The following FHIT variants were observed in gnomAD, a reference collection of about 807,000 sequenced individuals.
FHIT encodes the protein fragile histidine triad diadenosine triphosphatase, also known as bis(5'-adenosyl)-triphosphatase.
FHIT carries 19 observed loss-of-function variants against 17.9 expected under a neutral mutation model. The ratio of observed to expected loss-of-function variants is 1.06; its 90% CI spans 0.74 to 1.56. The LOEUF is 1.56. Among genes scored for constraint, FHIT ranks in the 40% most tolerant of loss-of-function variants. The probability of loss-of-function intolerance (pLI) is 0.00; values close to 1 mark genes in which losing one functional copy is unlikely to be tolerated. For missense variants in FHIT, 248 were observed against 189.2 expected, an observed-to-expected ratio of 1.31 and a Z score of -1.82; for synonymous variants, 81 against 69.7, an observed-to-expected ratio of 1.16 and a Z score of -0.81.
Position 60,226,472 on chromosome 3 carries a change from C to CAAAAAA in FHIT, c.104-212326_104-212321dup, listed in dbSNP as rs1189100387. ...GGGCAACAAGAGTGAAACTCCGTCT[C>CAAAAAA]AAAAAAAAAAAAAAAAAAAAAACAC... On this transcript the variant is annotated intron_variant, in intron 5 of 9. Coordinates refer to ENST00000492590, the MANE Select transcript of FHIT (RefSeq NM_002012.4). 1.3e-3 allele frequency among the ~76,000 whole-genome samples: 94 copies of CAAAAAA among 70,126 alleles called. 8 individuals carry two copies. Among genetic ancestry groups the CAAAAAA allele is most frequent in the Non-Finnish European group, 1.6e-3 (60 of 37,456 alleles). The allele number at this position is 70,126 out of a possible 152,430, so 46.0% of individuals were successfully genotyped here.
intron 5 of FHIT, among the ~76,000 whole-genome samples, chr3:60,362,028 C>T (rs1699926277): frequency 6.6e-6 from 1 of 151,810 alleles, no homozygotes; most frequent in Admixed American, 6.6e-5. Flanking sequence ...ACATCTTCTG[C>T]CATGGGTGTC....
At position 60,031,199 on chromosome 3, in the gene FHIT, G is replaced by C. The variant is rs543487120; in HGVS notation, c.104-17047C>G. On this transcript the variant is annotated intron_variant, in intron 5 of 9. Coordinates refer to ENST00000492590, the MANE Select transcript of FHIT (RefSeq NM_002012.4). ...AGATTGTGAATGCAAGTCTGGTGTTGAGTTGAGGGAGGTGATTTCTCACTC... is the reference window on the plus strand; with the variant it reads ...AGATTGTGAATGCAAGTCTGGTGTTCAGTTGAGGGAGGTGATTTCTCACTC... Among the ~76,000 whole-genome samples the C allele has an allele frequency of 4.6e-5, 7 of 152,328 alleles. No individual in the cohort carries two copies. In the East Asian group the frequency reaches 1.2e-3, roughly 25 times the overall value.
chr3:61,110,192 C>T (rs2036114283), intron 2 of FHIT, among the ~76,000 whole-genome samples: 3 of 152,182 alleles, frequency 2.0e-5, no homozygotes, highest in African/African-American at 7.2e-5. Flanking sequence ...GTCTCTCAGG[C>T]CGCTTTTCTC....
chr3:60,153,433 G>C (rs933335826), intron 5 of FHIT, among the ~76,000 whole-genome samples: 2 of 151,162 alleles, frequency 1.3e-5, no homozygotes, highest in Admixed American at 6.6e-5. Flanking sequence ...GAGCCCACCT[G>C]TTTGGTTTCT....
chr3:60,039,310 C>T (rs953085569), intron 5 of FHIT, among the ~76,000 whole-genome samples: 18 of 152,284 alleles, frequency 1.2e-4, no homozygotes, highest in African/African-American at 4.1e-4. Flanking sequence ...ATCATCTGAG[C>T]AGCTCCACTT....
intron 4 of FHIT, among the ~76,000 whole-genome samples, chr3:60,642,708 A>G (rs1409551884): frequency 6.6e-6 from 1 of 152,144 alleles, no homozygotes; most frequent in Non-Finnish European, 1.5e-5. Context: ...CAGATGGGAG[A>G]GGAGTATCCT....
intron 7 of FHIT, among the ~76,000 whole-genome samples, chr3:59,975,980 G>A (rs1214971223): frequency 6.6e-6 from 1 of 152,058 alleles, no homozygotes; most frequent in African/African-American, 2.4e-5. Context: ...TAGGTGATTA[G>A]TGAGAGTTTA....
intron 4 of FHIT, among the ~76,000 whole-genome samples, chr3:60,558,091 T>TC (rs2036804320): frequency 6.6e-6 from 1 of 152,092 alleles, no homozygotes; most frequent in Non-Finnish European, 1.5e-5. Context: ...CAGAGTTGTG[T>TC]TGGCATCACT....
chr3:60,708,589 G>C (rs2041433723), intron 4 of FHIT, among the ~76,000 whole-genome samples: 1 of 152,140 alleles, frequency 6.6e-6, no homozygotes, highest in Admixed American at 6.5e-5. Context: ...TACCTCCCTG[G>C]TGGCTTGAGT....
chr3:59,853,771 T>A (rs905618883), intron 8 of FHIT, among the ~76,000 whole-genome samples: 52 of 152,294 alleles, frequency 3.4e-4, no homozygotes, highest in African/African-American at 1.2e-3. Context: ...TCATGCCATG[T>A]TGGAACTTCC....
chr3:61,074,516 G>A (rs1405623234), intron 2 of FHIT, among the ~76,000 whole-genome samples: 2 of 151,986 alleles, frequency 1.3e-5, no homozygotes, highest in African/African-American at 2.4e-5. Context: ...TTTGTAAATC[G>A]AGAGATTTCA....
intron 5 of FHIT, among the ~76,000 whole-genome samples, chr3:60,172,648 A>C (rs985026664): frequency 2.1e-4 from 32 of 152,108 alleles, no homozygotes; most frequent in African/African-American, 6.0e-4. Flanking sequence ...GGAAAACGGA[A>C]AGAACAGCAG....
At chr3:60,130,511 G>A (rs754071940) in intron 5 of FHIT, among the ~76,000 whole-genome samples, 4 of 151,904 alleles carry the variant, frequency 2.6e-5, no homozygotes, top group South Asian at 2.1e-4. Flanking sequence ...GAACTCAGAC[G>A]GCATGACTCT....
intron 7 of FHIT, among the ~76,000 whole-genome samples, chr3:59,932,576 A>T (rs1038515): frequency 0.99 from 150,620 of 152,316 alleles, 74,496 homozygotes; most frequent in Middle Eastern, 1. Flanking sequence ...ATGTGGCTTA[A>T]GAGAATGTAC....
rs753825691 is a variant in FHIT at position 59,752,318 on chromosome 3, G to A, written c.352C>T (p.Gln118Ter). The A allele has an allele frequency of 1.9e-6, 3 of 1,609,320 alleles. No individual in the cohort carries two copies. The highest frequency in any genetic ancestry group is 1.7e-6 in the Non-Finnish European group (2 of 1,178,332). The change falls in exon 9 of 10, where the codon CAG becomes TAG. Residue 118 changes from glutamine to a stop codon, truncating the protein, a stop_gained. Transcript: ENST00000492590. LOFTEE classifies it high-confidence loss of function. Reference sequence around the variant, plus strand: ...GGAAAGTCCTCCTTGTCATGTTTCTGGAGCTTTGGAGAAAAAAAAAGGAAG... The same window carrying A: ...GGAAAGTCCTCCTTGTCATGTTTCTAGAGCTTTGGAGAAAAAAAAAGGAAG... ...HRNDSIYEELQKHDKEDFPAS... is the reference protein window; with the variant it reads ...HRNDSIYEEL
At chr3:59,913,003 T>G (rs1295278426) in intron 8 of FHIT, among the ~76,000 whole-genome samples, 1 of 152,210 alleles carries the variant, frequency 6.6e-6, no homozygotes, top group Non-Finnish European at 1.5e-5. Flanking sequence ...TAGAGCATGT[T>G]GATGACTTCC....
At chr3:59,811,460 A>G (rs1700402577) in intron 8 of FHIT, among the ~76,000 whole-genome samples, 1 of 152,246 alleles carries the variant, frequency 6.6e-6, no homozygotes, top group Non-Finnish European at 1.5e-5. Context: ...TCTATATTCT[A>G]TTAAAAGAAA....
chr3:61,140,609 G>A (rs2037053350), intron 2 of FHIT, among the ~76,000 whole-genome samples: 1 of 152,094 alleles, frequency 6.6e-6, no homozygotes, highest in African/African-American at 2.4e-5. Flanking sequence ...AAGAATGCCT[G>A]GATACACCCT....
Position 60,898,059 on chromosome 3 carries a change from T to C in FHIT, c.-110-76048A>G, listed in dbSNP as rs895883524. On this transcript the variant is annotated intron_variant, in intron 3 of 9. Transcript: ENST00000492590. ...TTGGAACTGTTAATATTTTAGGGCA[T>C]ATATGTAAACACACACCTATTTAAA... Among the ~76,000 whole-genome samples the C allele has an allele frequency of 5.3e-5, 8 of 152,314 alleles. 1 individual carries two copies. Among genetic ancestry groups the C allele is most frequent in the African/African-American group, 1.9e-4 (8 of 41,580 alleles).
Sources: gnomAD v4.1 joint callset for allele counts (sites outside exome capture counted in the v4.1 genomes callset) on GRCh38, gnomAD v4.1.1 for gene constraint, MANE v1.5 for transcripts, NCBI Gene and HGNC (gene_info 2026-07-23, HGNC 2026-07-21) for gene names.